Variants in DOCK3 observed in about 807,000 individuals in gnomAD.
The protein encoded by DOCK3 is dedicator of cytokinesis protein 3.
DOCK3 carries 60 observed loss-of-function variants against 265.6 expected under a neutral mutation model. That is an observed-to-expected ratio of 0.23 (90% CI 0.18 to 0.28). The LOEUF (loss-of-function observed/expected upper bound fraction) is 0.28, where lower values mean the gene tolerates loss of function less well. Among genes scored for constraint, DOCK3 ranks in the 10% least tolerant of loss-of-function variants. DOCK3 has a pLI of 1.00. For synonymous variants in DOCK3, 881 were observed against 938.0 expected, an observed-to-expected ratio of 0.94 and a Z score of 1.11; for missense variants, 1,981 against 2,594.3, an observed-to-expected ratio of 0.76 and a Z score of 5.14.
chr3:51,125,764 T>C (rs1298248596), intron 9 of DOCK3, among the ~76,000 whole-genome samples: 1 of 152,034 alleles, frequency 6.6e-6, no homozygotes, highest in African/African-American at 2.4e-5. Context: ...AGAGAAAAAC[T>C]TGTATAGTGA....
intron 7 of DOCK3, among the ~76,000 whole-genome samples, chr3:51,076,803 G>A (rs907243035): frequency 2.0e-5 from 3 of 152,106 alleles, no homozygotes; most frequent in Non-Finnish European, 2.9e-5. Context: ...GAAAAGAGAA[G>A]GAAAGACATT....
intron 19 of DOCK3, 37 bp downstream of exon 19, chr3:51,229,646 G>A: frequency 2.0e-6 from 3 of 1,494,434 alleles, no homozygotes; most frequent in Non-Finnish European, 2.7e-6. Flanking sequence ...ACTGCATGAG[G>A]AAGAATCTGG....
chr3:50,817,058 G>A (rs1268106771), intron 2 of DOCK3, among the ~76,000 whole-genome samples: 1 of 152,192 alleles, frequency 6.6e-6, no homozygotes, highest in Non-Finnish European at 1.5e-5. Context: ...AGAGCTGCTG[G>A]CATTTTTATG....
intron 3 of DOCK3, among the ~76,000 whole-genome samples, chr3:50,853,708 C>T (rs2046445137): frequency 6.6e-6 from 1 of 152,074 alleles, no homozygotes; most frequent in African/African-American, 2.4e-5. Flanking sequence ...TTATCCAGTC[C>T]ACTGTTGATG....
At chr3:51,207,749 G>A (rs1227863506) in intron 12 of DOCK3, among the ~76,000 whole-genome samples, 3 of 152,132 alleles carry the variant, frequency 2.0e-5, no homozygotes, top group Non-Finnish European at 2.9e-5. Flanking sequence ...AAGTGGCCAT[G>A]CTGAACTGGA....
At chr3:51,153,648 C>T (rs1309163465) in intron 10 of DOCK3, among the ~76,000 whole-genome samples, 2 of 152,104 alleles carry the variant, frequency 1.3e-5, no homozygotes, top group African/African-American at 4.8e-5. Context: ...AACAGAATCC[C>T]CTTGTTTCTG....
Position 51,126,184 on chromosome 3 carries a change from T to C in DOCK3, c.747-20365T>C, listed in dbSNP as rs145166177. Among the ~76,000 whole-genome samples, 751 of 152,290 alleles carry C rather than the reference T, an allele frequency of 4.9e-3. 5 individuals are homozygous for C. The highest frequency in any genetic ancestry group is 0.014 in the Middle Eastern group (4 of 294). On this transcript the variant is annotated intron_variant, in intron 9 of 52. Coordinates refer to ENST00000266037, the MANE Select transcript of DOCK3 (RefSeq NM_004947.5). ...CTAAATTGGTTTCTTCAACCTTCAT[T>C]CATTTATTTATCTGATCATTATTTC...
chr3:51,233,334 C>G (rs561494575), intron 19 of DOCK3, among the ~76,000 whole-genome samples: 3 of 43,592 alleles, frequency 6.9e-5, no homozygotes, highest in Non-Finnish European at 1.9e-4. Context: ...ATCTATCTAT[C>G]TATCTATCTA....
At chr3:51,282,893 A>T (rs1214558151) in intron 27 of DOCK3, among the ~76,000 whole-genome samples, 1 of 152,146 alleles carries the variant, frequency 6.6e-6, no homozygotes, top group African/African-American at 2.4e-5. Context: ...AGAAAAGCAA[A>T]CTACAAACCA....
chr3:50,727,288 A>T (rs1028975520), intron 1 of DOCK3, among the ~76,000 whole-genome samples: 5 of 152,240 alleles, frequency 3.3e-5, no homozygotes, highest in Non-Finnish European at 5.9e-5. Flanking sequence ...AAACGACAGA[A>T]AAAAGATATG....
intron 2 of DOCK3, among the ~76,000 whole-genome samples, chr3:50,785,296 G>A (rs1224490664): frequency 1.3e-5 from 2 of 152,112 alleles, no homozygotes; most frequent in African/African-American, 2.4e-5. Flanking sequence ...CTACCAATTC[G>A]GATGTCCTTT....
chr3:50,768,894 C>G (rs2041089070), intron 1 of DOCK3, among the ~76,000 whole-genome samples: 1 of 152,126 alleles, frequency 6.6e-6, no homozygotes, highest in Admixed American at 6.5e-5. Context: ...AGTTTCCTTT[C>G]TCTTCACATT....
At chr3:50,907,354 G>C (rs948894449) in intron 4 of DOCK3, among the ~76,000 whole-genome samples, 2 of 152,044 alleles carry the variant, frequency 1.3e-5, no homozygotes, top group Non-Finnish European at 2.9e-5. Context: ...ACAGTGGGGT[G>C]TTAAAAGTCT....
intron 5 of DOCK3, among the ~76,000 whole-genome samples, chr3:50,982,179 T>G (rs984951447): frequency 5.3e-5 from 8 of 152,310 alleles, no homozygotes; most frequent in Middle Eastern, 3.4e-3. Context: ...AGTGAATTTC[T>G]AGTAGGCAGC....
intron 6 of DOCK3, among the ~76,000 whole-genome samples, chr3:51,066,781 A>G (rs976370813): frequency 2.0e-5 from 3 of 152,192 alleles, no homozygotes; most frequent in Non-Finnish European, 2.9e-5. Flanking sequence ...ATATAACACT[A>G]AATTCGTTGT....
At chr3:50,795,542 C>T (rs1185269976) in intron 2 of DOCK3, among the ~76,000 whole-genome samples, 1 of 152,070 alleles carries the variant, frequency 6.6e-6, no homozygotes, top group African/African-American at 2.4e-5. Flanking sequence ...CCACCACACC[C>T]AGCTAATTTT....
chr3:50,973,064 T>TTTTTTTTTA, intron 5 of DOCK3, among the ~76,000 whole-genome samples: 1 of 144,320 alleles, frequency 6.9e-6, no homozygotes, highest in Non-Finnish European at 1.5e-5. Context: ...TTTTTTTTTT[T>TTTTTTTTTA]TTTTTTTTTG....
intron 5 of DOCK3, among the ~76,000 whole-genome samples, chr3:50,961,826 T>C (rs965023911): frequency 2.6e-5 from 4 of 152,206 alleles, no homozygotes; most frequent in Non-Finnish European, 5.9e-5. Flanking sequence ...ACTAAATCTC[T>C]GATCTGTTTA....
At chr3:50,820,405 A>G (rs1038518178) in intron 2 of DOCK3, among the ~76,000 whole-genome samples, 1 of 152,240 alleles carries the variant, frequency 6.6e-6, no homozygotes, top group Non-Finnish European at 1.5e-5. Context: ...TCTCACACTT[A>G]TAAGTGAGAA....
Sources: allele counts gnomAD v4.1 joint callset (sites outside exome capture counted in the v4.1 genomes callset), GRCh38; gene constraint gnomAD v4.1.1; transcripts MANE v1.5; gene names NCBI Gene and HGNC (gene_info 2026-07-23, HGNC 2026-07-21).